ECH1: variants seen among roughly 807,000 people sequenced by gnomAD.
ECH1 encodes enoyl-CoA hydratase 1.
A neutral mutation model predicts 37.0 loss-of-function variants in ECH1; 30 were observed. That is an observed-to-expected ratio of 0.81 (90% CI 0.61 to 1.10). The LOEUF (loss-of-function observed/expected upper bound fraction) is 1.10, where lower values mean the gene tolerates loss of function less well. Among genes scored for constraint, ECH1 ranks in the 50% least tolerant of loss-of-function variants. ECH1 has a pLI of 0.00. For synonymous variants in ECH1, 178 were observed against 176.0 expected (o/e 1.01, Z -0.09); for missense variants, 456 against 441.6 (o/e 1.03, Z -0.29).
At chr19:38,826,784 T>C (rs1255963606) in intron 3 of ECH1, among the ~76,000 whole-genome samples, 1 of 152,164 alleles carries the variant, frequency 6.6e-6, no homozygotes, top group Non-Finnish European at 1.5e-5. Context: ...GGTCAGGCAC[T>C]GGCCCAAGAT....
intron 3 of ECH1, among the ~76,000 whole-genome samples, chr19:38,830,258 G>A (rs1459475619): frequency 6.6e-6 from 1 of 152,132 alleles, no homozygotes; most frequent in East Asian, 1.9e-4. Flanking sequence ...AAGGTCAGTG[G>A]GTCAATCCAA....
chr19:38,819,763 T>A (rs1350521487), intron 3 of ECH1, among the ~76,000 whole-genome samples: 1 of 151,852 alleles, frequency 6.6e-6, no homozygotes, highest in Non-Finnish European at 1.5e-5. Context: ...CTGGGCAACA[T>A]TGCAAGACCT....
intron 3 of ECH1, among the ~76,000 whole-genome samples, chr19:38,827,429 G>C (rs12461606): frequency 0.078 from 11,904 of 152,084 alleles, 639 homozygotes; most frequent in East Asian, 0.17. Context: ...ATTCTGGAGG[G>C]AGTGACCACT....
chr19:38,816,421 C>T (rs1227316305), intron 7 of ECH1, 32 bp downstream of exon 7: 2 of 1,613,970 alleles, frequency 1.2e-6, no homozygotes, highest in Admixed American at 1.7e-5. Context: ...TCTGGGGTCT[C>T]CTGCCCACAC....
At chr19:38,829,085 G>C (rs1393367860) in intron 3 of ECH1, among the ~76,000 whole-genome samples, 1 of 150,912 alleles carries the variant, frequency 6.6e-6, no homozygotes. Context: ...AGGAGTTCAA[G>C]ACCCGCCTGG....
At chr19:38,820,424 A>C (rs560740362) in intron 3 of ECH1, 2 of 152,272 alleles carry the variant, frequency 1.3e-5, no homozygotes, top group South Asian at 4.1e-4. Flanking sequence ...GCTAAGAGCA[A>C]GGACTCTATA....
intron 3 of ECH1, chr19:38,820,433 T>C (rs1270562923): frequency 6.6e-6 from 1 of 152,140 alleles, no homozygotes; most frequent in Non-Finnish European, 1.5e-5. Context: ...AAGGACTCTA[T>C]AGCCAGGCAG....
At position 38,816,322 on chromosome 19, in the gene ECH1, C is replaced by G. The variant is rs377757809; in HGVS notation, c.693G>C (p.Lys231Asn). Residue 231 changes from lysine (K) to asparagine (N), a missense_variant, in exon 8 of 10, where the codon AAG (lysine) becomes AAC (asparagine). By Grantham distance (94) the Lys-to-Asn change is moderately conservative (BLOSUM62 0). Coordinates refer to ENST00000221418, the MANE Select transcript of ECH1 (RefSeq NM_001398.3). ...LVNELAFTAR[K>N]MMADEALGSG... ...TGCCCAGGGCCTCGTCAGCCATCAT[C>G]TTGCGGGCGGTGAAGGCCAGCTCGT... 52 of 1,613,746 alleles carry G rather than the reference C, an allele frequency of 3.2e-5. No individual in the cohort carries two copies. The African/African-American group carries it at 6.3e-4, about 19-fold the overall frequency.
chr19:38,819,030 C>T (rs980205256), intron 3 of ECH1: 1 of 802,964 alleles, frequency 1.2e-6, no homozygotes, highest in African/African-American at 1.9e-5. Flanking sequence ...CATTTGAGCC[C>T]AGGAGTTGGA....
Position 38,816,457 on chromosome 19 carries a change from G to C in ECH1, c.655C>G (p.Gln219Glu). ...CCCCACACCCCCTGCACCCACCTCT[G>C]GTTCCCGATGACCTTGGGCAGGCGC... is the stretch of plus-strand genomic sequence containing the variant. ...LQRLPKVIGNQSLVNELAFTA... is the reference protein window; with the variant it reads ...LQRLPKVIGNESLVNELAFTA... Residue 219 changes from glutamine to glutamate, a missense_variant, in exon 7 of 10, where the codon CAG becomes GAG. Physicochemically the swap from Gln to Glu is conservative, Grantham distance 29. Coordinates refer to ENST00000221418, the MANE Select transcript of ECH1 (RefSeq NM_001398.3). 6.2e-7 allele frequency: 1 copy of C among 1,614,134 alleles called. No homozygotes were observed. Among genetic ancestry groups the C allele is most frequent in the Non-Finnish European group, 8.5e-7 (1 of 1,180,010 alleles).
chr19:38,817,530 C>A lies in ECH1; in HGVS notation c.395G>T (p.Gly132Val). The change falls in exon 4 of 10, where the codon GGA (glycine) becomes GTA (valine). Residue 132 changes from glycine to valine, a missense_variant. Transcript: ENST00000221418. ...DMASDILQPK[G>V]DDVARISWYL... is the part of the protein sequence containing the mutation. ...CCAGCTGATCCGGGCCACATCATCT[C>A]CTTTGGGCTGCAGGATGTCCGAAGC... The A allele has an allele frequency of 6.2e-7, 1 of 1,612,594 alleles. No homozygotes were observed. The highest frequency in any genetic ancestry group is 8.5e-7 in the Non-Finnish European group (1 of 1,178,764).
chr19:38,822,210 G>A (rs1483021761), intron 3 of ECH1, among the ~76,000 whole-genome samples: 2 of 151,732 alleles, frequency 1.3e-5, no homozygotes, highest in Non-Finnish European at 2.9e-5. Context: ...GTCTAGCTAA[G>A]GGATTGTAAA....
At chr19:38,825,269 G>T (rs982955513) in intron 3 of ECH1, among the ~76,000 whole-genome samples, 1 of 152,172 alleles carries the variant, frequency 6.6e-6, no homozygotes, top group Admixed American at 6.5e-5. Flanking sequence ...AGATCATGGG[G>T]ACTGGAGTCG....
chr19:38,819,489 T>C (rs904666315), intron 3 of ECH1, among the ~76,000 whole-genome samples: 2 of 151,984 alleles, frequency 1.3e-5, no homozygotes, highest in Admixed American at 6.6e-5. Flanking sequence ...TCTGACTCCC[T>C]TTCTAGAATG....
chr19:38,825,413 C>T lies in ECH1; in HGVS notation c.349+5665G>A, dbSNP rs116670167. On this transcript the variant is annotated intron_variant, in intron 3 of 9. Transcript: ENST00000221418. The stretch of plus-strand genomic sequence containing the variant: ...GCCTTCCTCGAGCAGCTATAGGAGG[C>T]CTTAAGAAAATATACTCCCCGGTCA... Among the ~76,000 whole-genome samples, 1,186 of 152,270 alleles carry T rather than the reference C, an allele frequency of 7.8e-3. 17 individuals carry two copies. Among genetic ancestry groups the T allele is most frequent in the African/African-American group, 0.027 (1,142 of 41,560 alleles).
intron 3 of ECH1, chr19:38,819,144 G>A: frequency 1.0e-6 from 1 of 985,386 alleles, no homozygotes; most frequent in Non-Finnish European, 1.2e-6. Flanking sequence ...TGGCAGGACA[G>A]AGAGGTGAAA....
At chr19:38,818,724 G>T (rs1240801324) in intron 3 of ECH1, among the ~76,000 whole-genome samples, 1 of 152,278 alleles carries the variant, frequency 6.6e-6, no homozygotes, top group African/African-American at 2.4e-5. Flanking sequence ...CTGACCTTGT[G>T]ATCCACCCAC....
chr19:38,831,475 G>A lies in ECH1; in HGVS notation c.94C>T (p.Arg32Cys). ...SNYPGLSISL[R>C]LTGSSAQEEA... ...TCTTGTGCAGAGGAGCCAGTGAGGC[G>A]AAGGCTAATACTGAGTCCCGGGTAG... is the stretch of plus-strand genomic sequence containing the variant. The change falls in exon 2 of 10, where the codon CGC becomes TGC. Residue 32 changes from arginine (R) to cysteine (C), a missense_variant. Physicochemically the swap from Arg to Cys is radical, Grantham distance 180. Coordinates refer to ENST00000221418, the MANE Select transcript of ECH1 (RefSeq NM_001398.3). 6.2e-7 allele frequency: 1 copy of A among 1,614,130 alleles called. No homozygotes were observed. Among genetic ancestry groups the A allele is most frequent in the Non-Finnish European group, 8.5e-7 (1 of 1,180,022 alleles).
At chr19:38,830,803 T>C (rs1971807968) in intron 3 of ECH1, 1 of 443,118 alleles carries the variant, frequency 2.3e-6, no homozygotes, top group East Asian at 4.7e-5. Flanking sequence ...TGAAACCCCG[T>C]CTCTACTAAA....
Sources: gnomAD v4.1 joint callset for allele counts (sites outside exome capture counted in the v4.1 genomes callset) on GRCh38, gnomAD v4.1.1 for gene constraint, MANE v1.5 for transcripts, NCBI Gene and HGNC (gene_info 2026-07-23, HGNC 2026-07-21) for gene names.